PLAGL1: variants seen among roughly 807,000 people sequenced by gnomAD.
The protein encoded by PLAGL1 is zinc finger protein PLAGL1.
In PLAGL1, 1 loss-of-function variant was observed where a neutral mutation model predicts 4.6. The observed-to-expected ratio is 0.22, with a 90% CI of 0.08 to 1.03. PLAGL1 has a LOEUF of 1.03. PLAGL1 is among the 50% of genes least tolerant of loss of function. The probability of loss-of-function intolerance (pLI) is 0.58; values close to 1 mark genes in which losing one functional copy is unlikely to be tolerated. For synonymous variants in PLAGL1, 240 were observed against 237.8 expected, an observed-to-expected ratio of 1.01 and a Z score of -0.08; for missense variants, 464 against 570.4, an observed-to-expected ratio of 0.81 and a Z score of 1.90.
Position 143,995,908 on chromosome 6 carries a change from AG to A in PLAGL1, c.-583-10735del, listed in dbSNP as rs1469156191. Among the ~76,000 whole-genome samples, 1 of 152,208 alleles carries A rather than the reference AG, an allele frequency of 6.6e-6. No homozygotes were observed. Among genetic ancestry groups the A allele is most frequent in the Non-Finnish European group, 1.5e-5 (1 of 68,030 alleles). ...CTATATTAATGGTGGCCAGCCATAAAGTTAAAGCAAAGAGAAGAACTGAAAT... is the reference window on the plus strand; with the variant it reads ...CTATATTAATGGTGGCCAGCCATAAATTAAAGCAAAGAGAAGAACTGAAAT... On this transcript the variant is annotated intron_variant, in intron 1 of 7. Coordinates refer to ENST00000674357, the MANE Select transcript of PLAGL1 (RefSeq NM_001317162.2). The surrounding 1 kb of genome is among the most constrained non-coding windows in gnomAD (Gnocchi z 4.4).
intron 1 of PLAGL1, among the ~76,000 whole-genome samples, chr6:144,044,873 A>G (rs1798010076): frequency 6.6e-6 from 1 of 152,090 alleles, no homozygotes; most frequent in African/African-American, 2.4e-5. Flanking sequence ...ATGCATATCT[A>G]TATTTAGGAT....
Position 143,953,562 on chromosome 6 carries a change from G to C in PLAGL1, c.-324-5102C>G, listed in dbSNP as rs1781493293. The stretch of plus-strand genomic sequence containing the variant: ...ACAGGGTGTGTTCTGTTTACAAATA[G>C]TGTAATATTTGGTTAAAGATGGCCA... On this transcript the variant is annotated intron_variant, in intron 6 of 7. Coordinates refer to ENST00000674357, the MANE Select transcript of PLAGL1 (RefSeq NM_001317162.2). The surrounding 1 kb of genome is among the most constrained non-coding windows in gnomAD (Gnocchi z 5.3). Among the ~76,000 whole-genome samples the C allele has an allele frequency of 6.6e-6, 1 of 152,182 alleles. No individual in the cohort carries two copies. Among genetic ancestry groups the C allele is most frequent in the Admixed American group, 6.5e-5 (1 of 15,276 alleles).
chr6:143,967,889 G>A (rs1461800744), intron 3 of PLAGL1: 1 of 151,636 alleles, frequency 6.6e-6, no homozygotes, highest in Non-Finnish European at 1.5e-5. Flanking sequence ...GGTTTATCTA[G>A]TGGGAGGTTT....
chr6:143,954,976 G>A lies in PLAGL1; in HGVS notation c.-325+5493C>T, dbSNP rs77797516. On this transcript the variant is annotated intron_variant, in intron 6 of 7. Transcript: ENST00000674357. This position sits in a 1 kb window ranked among gnomAD's most constrained non-coding sequence, Gnocchi z 5.1. The stretch of plus-strand genomic sequence containing the variant: ...AATAAAGACAGGTAACTAGTGCCCA[G>A]CCAAAGGGAAAGAGACAATATGCAA... 3.9e-5 allele frequency among the ~76,000 whole-genome samples: 6 copies of A among 152,134 alleles called. No homozygotes were observed. Among genetic ancestry groups the A allele is most frequent in the Non-Finnish European group, 8.8e-5 (6 of 68,020 alleles).
Position 143,985,717 on chromosome 6 carries a change from C to T in PLAGL1, c.-583-543G>A, listed in dbSNP as rs1054735253. Reference sequence around the variant, plus strand: ...AGGTTTAGTTTAAGGAATACCTTCTCCAGGGAGAAGTTTTTCTCATTGTTA... The same window carrying T: ...AGGTTTAGTTTAAGGAATACCTTCTTCAGGGAGAAGTTTTTCTCATTGTTA... On this transcript the variant is annotated intron_variant, in intron 1 of 7. Transcript: ENST00000674357. The surrounding 1 kb of genome is among the most constrained non-coding windows in gnomAD (Gnocchi z 4.4). 1.3e-5 allele frequency among the ~76,000 whole-genome samples: 2 copies of T among 151,734 alleles called. No homozygotes were observed. Among genetic ancestry groups the T allele is most frequent in the East Asian group, 3.9e-4 (2 of 5,178 alleles).
Position 143,985,564 on chromosome 6 carries a change from A to G in PLAGL1, c.-583-390T>C, listed in dbSNP as rs1348844329. Reference sequence around the variant, plus strand: ...CTGACCCATTGCACATCTATTTTTAACACTAAAATAATAACAGCCATTTAC... The same window carrying G: ...CTGACCCATTGCACATCTATTTTTAGCACTAAAATAATAACAGCCATTTAC... On this transcript the variant is annotated intron_variant, in intron 1 of 7. Transcript: ENST00000674357. This position sits in a 1 kb window ranked among gnomAD's most constrained non-coding sequence, Gnocchi z 4.4. Among the ~76,000 whole-genome samples the G allele has an allele frequency of 6.6e-6, 1 of 152,114 alleles. No individual in the cohort carries two copies. Among genetic ancestry groups the G allele is most frequent in the Non-Finnish European group, 1.5e-5 (1 of 68,012 alleles).
Position 144,048,143 on chromosome 6 carries a change from A to T in PLAGL1, c.-151+16325T>A. On this transcript the variant is annotated intron_variant, in intron 1 of 3. Coordinates refer to the PLAGL1 transcript ENST00000437412. This position sits in a 1 kb window ranked among gnomAD's most constrained non-coding sequence, Gnocchi z 4.8. Reference sequence around the variant, plus strand: ...TCTCACATCAGGGTATGCTGATGCAAGAAGTGGGCTCCCACGGTCTTGGGC... The same window carrying T: ...TCTCACATCAGGGTATGCTGATGCATGAAGTGGGCTCCCACGGTCTTGGGC... 6.6e-6 allele frequency among the ~76,000 whole-genome samples: 1 copy of T among 152,232 alleles called. No homozygotes were observed. Among genetic ancestry groups the T allele is most frequent in the Non-Finnish European group, 1.5e-5 (1 of 68,040 alleles).
intron 6 of PLAGL1, among the ~76,000 whole-genome samples, chr6:143,951,421 G>A (rs1276641577): frequency 6.6e-6 from 1 of 152,264 alleles, no homozygotes; most frequent in African/African-American, 2.4e-5. Flanking sequence ...CAACACACGT[G>A]TAGAAAGGAC....
At chr6:144,018,129 A>T (rs966429506) in intron 1 of PLAGL1, among the ~76,000 whole-genome samples, 3 of 152,184 alleles carry the variant, frequency 2.0e-5, no homozygotes, top group South Asian at 2.1e-4. Context: ...TTATCAATGG[A>T]TGCTAAAACT....
rs993665453 is a variant in PLAGL1, at chr6:144,000,661, C to T, written c.-584+7429G>A. Among the ~76,000 whole-genome samples, 10 of 152,048 alleles carry T rather than the reference C, an allele frequency of 6.6e-5. No individual in the cohort carries two copies. ...AACTTCATAAACAGGTACTAAAACTCATATGGAATGGGAAAGGTCTAAAAT... is the reference window on the plus strand; with the variant it reads ...AACTTCATAAACAGGTACTAAAACTTATATGGAATGGGAAAGGTCTAAAAT... On this transcript the variant is annotated intron_variant, in intron 1 of 7. Coordinates refer to ENST00000674357, the MANE Select transcript of PLAGL1 (RefSeq NM_001317162.2). The surrounding 1 kb of genome is among the most constrained non-coding windows in gnomAD (Gnocchi z 4.1).
At chr6:144,021,832 C>T (rs1796000008) in intron 1 of PLAGL1, among the ~76,000 whole-genome samples, 1 of 152,174 alleles carries the variant, frequency 6.6e-6, no homozygotes, top group South Asian at 2.1e-4. Context: ...TCTAACTATA[C>T]ATTGGTAGCA....
At chr6:144,031,337 GA>G (rs1796814635) in intron 1 of PLAGL1, among the ~76,000 whole-genome samples, 1 of 152,160 alleles carries the variant, frequency 6.6e-6, no homozygotes, top group South Asian at 2.1e-4. Flanking sequence ...TTGCTATGTG[GA>G]AGCTTTTTAG....
chr6:144,000,192 C>T lies in PLAGL1; in HGVS notation c.-584+7898G>A, dbSNP rs187841350. Among the ~76,000 whole-genome samples the T allele has an allele frequency of 5.2e-4, 79 of 152,252 alleles. No individual in the cohort carries two copies. The highest frequency in any genetic ancestry group is 1.6e-3 in the Admixed American group (24 of 15,292). ...TAAGCTTCAGTGCTACAAAAGCATT[C>T]TTATGTAAGTCAGAAGCAAAATAAG... On this transcript the variant is annotated intron_variant, in intron 1 of 7. Transcript: ENST00000674357. This position sits in a 1 kb window ranked among gnomAD's most constrained non-coding sequence, Gnocchi z 4.1.
At chr6:144,032,567 T>C (rs1291906031) in intron 1 of PLAGL1, among the ~76,000 whole-genome samples, 1 of 152,142 alleles carries the variant, frequency 6.6e-6, no homozygotes, top group Non-Finnish European at 1.5e-5. Context: ...GGGGTTTTGT[T>C]TGTTTGTTTT....
intron 1 of PLAGL1, among the ~76,000 whole-genome samples, chr6:144,001,786 G>A (rs1173747959): frequency 2.0e-5 from 3 of 152,126 alleles, no homozygotes; most frequent in South Asian, 2.1e-4. Context: ...ACAGCTCTGC[G>A]ATATTCTTCT....
Position 144,006,647 on chromosome 6 carries a change from C to T in PLAGL1, c.-584+1443G>A, listed in dbSNP as rs1794259285. ...CAAAAATACTTCATTGGCCACTGTA[C>T]AGTGTGCCCTTTTTATGAGTGGTGT... On this transcript the variant is annotated intron_variant, in intron 1 of 7. Transcript: ENST00000674357. The surrounding 1 kb of genome is among the most constrained non-coding windows in gnomAD (Gnocchi z 4.3). 1 of 152,004 alleles carries T rather than the reference C, an allele frequency of 6.6e-6. No homozygotes were observed. The highest frequency in any genetic ancestry group is 1.5e-5 in the Non-Finnish European group (1 of 68,014). The allele number at this position is 152,004 out of a possible 1,614,324, so 9.4% of individuals were successfully genotyped here.
rs966582853 is a variant in PLAGL1, at chr6:143,997,428, T to C, written c.-584+10662A>G. On this transcript the variant is annotated intron_variant, in intron 1 of 7. Transcript: ENST00000674357. This position sits in a 1 kb window ranked among gnomAD's most constrained non-coding sequence, Gnocchi z 4.6. ...TAAACAAATTGTGGTAATGGAGTCC[T>C]ACTCAGAAAAAATACAAAAAGAACT... is the stretch of plus-strand genomic sequence containing the variant. 1.3e-5 allele frequency among the ~76,000 whole-genome samples: 2 copies of C among 152,306 alleles called. No homozygotes were observed. The highest frequency in any genetic ancestry group is 3.4e-3 in the Middle Eastern group (1 of 294).
Position 143,941,127 on chromosome 6 carries a change from AATTCCAT to A in PLAGL1, c.*290_*296del. The A allele has an allele frequency of 4.3e-6, 1 of 233,184 alleles. No homozygotes were observed. The highest frequency in any genetic ancestry group is 8.3e-6 in the Non-Finnish European group (1 of 121,166). The allele number at this position is 233,184 out of a possible 1,614,324, so 14.4% of individuals were successfully genotyped here. ...ACATTATGATCATGGCTTACGATTA[AATTCCAT>A]ATGACAAACACTTATATATAGCAGC... On this transcript the variant is annotated 3_prime_UTR_variant, in exon 8 of 8. Transcript: ENST00000674357. The surrounding 1 kb of genome is among the most constrained non-coding windows in gnomAD (Gnocchi z 6.0).
chr6:144,060,526 G>T (rs1472919050), intron 1 of PLAGL1, among the ~76,000 whole-genome samples: 1 of 152,156 alleles, frequency 6.6e-6, no homozygotes, highest in Non-Finnish European at 1.5e-5. Context: ...TAAAAATGCT[G>T]AATTGGAAGA....
Sources: allele counts gnomAD v4.1 joint callset (sites outside exome capture counted in the v4.1 genomes callset), GRCh38; gene constraint gnomAD v4.1.1; non-coding constraint Gnocchi (gnomAD v3.1); transcripts MANE v1.5; gene names NCBI Gene and HGNC (gene_info 2026-07-23, HGNC 2026-07-21).